Variants in RIMBP2 observed in about 807,000 individuals in gnomAD.
The protein encoded by RIMBP2 is RIMS-binding protein 2.
Under a neutral mutation model 118.6 loss-of-function variants are expected in RIMBP2, and 48 were observed. That is an observed-to-expected ratio of 0.40 (90% CI 0.32 to 0.51). The LOEUF (loss-of-function observed/expected upper bound fraction) is 0.51, where lower values mean the gene tolerates loss of function less well. Among genes scored for constraint, RIMBP2 ranks in the 20% least tolerant of loss-of-function variants. The probability of loss-of-function intolerance (pLI) is 0.41; values close to 1 mark genes in which losing one functional copy is unlikely to be tolerated. For missense variants in RIMBP2, 1,551 were observed against 1,768.3 expected, an observed-to-expected ratio of 0.88 and a Z score of 2.20; for synonymous variants, 762 against 742.9, an observed-to-expected ratio of 1.03 and a Z score of -0.42.
chr12:130,513,458 T>C (rs1566175574), intron 3 of RIMBP2, among the ~76,000 whole-genome samples: 2 of 152,200 alleles, frequency 1.3e-5, no homozygotes, highest in Non-Finnish European at 2.9e-5. Flanking sequence ...AGCTACTCAA[T>C]GTGACGAAAA....
In RIMBP2 at chr12:130,710,741, C is replaced by A. The variant is rs1439557737; in HGVS notation, c.-352+5481G>T. On this transcript the variant is annotated intron_variant, in intron 1 of 22. Coordinates refer to ENST00000690449, the MANE Select transcript of RIMBP2 (RefSeq NM_001393629.1). The surrounding 1 kb of genome is among the most constrained non-coding windows in gnomAD (Gnocchi z 4.3). ...CATCTCCCACACTGGGTCTCTCCAG[C>A]AAGTGCTTATCCAGCACCTACTAAT... 6.6e-6 allele frequency among the ~76,000 whole-genome samples: 1 copy of A among 152,190 alleles called. No homozygotes were observed. The highest frequency in any genetic ancestry group is 2.4e-5 in the African/African-American group (1 of 41,448).
At chr12:130,600,103 C>T (rs1351575090) in intron 2 of RIMBP2, among the ~76,000 whole-genome samples, 1 of 152,226 alleles carries the variant, frequency 6.6e-6, no homozygotes, top group Admixed American at 6.5e-5. Flanking sequence ...GTACATCTTA[C>T]ACATATTGAT....
At chr12:130,517,242 G>A (rs967723303) in intron 3 of RIMBP2, among the ~76,000 whole-genome samples, 6 of 152,126 alleles carry the variant, frequency 3.9e-5, no homozygotes, top group South Asian at 2.1e-4. Flanking sequence ...TGGTATGTGA[G>A]CACACTCAGT....
intron 4 of RIMBP2, among the ~76,000 whole-genome samples, chr12:130,503,184 G>A (rs942231934): frequency 9.9e-5 from 15 of 151,466 alleles, no homozygotes; most frequent in African/African-American, 3.6e-4. Context: ...TTAAAGTCAG[G>A]AGTTCAAAAC....
intron 2 of RIMBP2, among the ~76,000 whole-genome samples, chr12:130,591,144 T>G (rs1277374663): frequency 1.3e-5 from 2 of 152,188 alleles, no homozygotes; most frequent in Non-Finnish European, 2.9e-5. Flanking sequence ...AAACTGACTT[T>G]AAAAATTAGG....
Position 130,615,536 on chromosome 12 carries a change from C to A in RIMBP2, c.-217+12786G>T, listed in dbSNP as rs1029075710. ...TTGTTGGCCAGGCTGGTCTTGAACT[C>A]CTGGCCTCAAGTGATCTGCCCGCCT... On this transcript the variant is annotated intron_variant, in intron 2 of 22. Coordinates refer to ENST00000690449, the MANE Select transcript of RIMBP2 (RefSeq NM_001393629.1). Among the ~76,000 whole-genome samples, 6 of 152,004 alleles carry A rather than the reference C, an allele frequency of 3.9e-5. No homozygotes were observed. In the South Asian group the frequency reaches 1.2e-3, roughly 32 times the overall value.
intron 6 of RIMBP2, among the ~76,000 whole-genome samples, chr12:130,463,288 T>C (rs1349223614): frequency 2.0e-5 from 3 of 152,200 alleles, no homozygotes; most frequent in African/African-American, 4.8e-5. Context: ...CCCAGCCCCA[T>C]GGTGCTGCTC....
rs766901586 is a variant in RIMBP2 at position 130,442,617 on chromosome 12, G to A, written c.735C>T (p.Phe245=). ...DGQRGLVPSN[F]VDFVQDNESR... ...ACTCGTTGTCCTGCACAAAGTCCACGAAGTTGGAGGGCACCAGACCCCTCT... is the reference window on the plus strand; with the variant it reads ...ACTCGTTGTCCTGCACAAAGTCCACAAAGTTGGAGGGCACCAGACCCCTCT... The change falls in exon 11 of 23, where the codon TTC becomes TTT. Residue 245 remains phenylalanine, a synonymous_variant. Coordinates refer to ENST00000690449, the MANE Select transcript of RIMBP2 (RefSeq NM_001393629.1). This position sits in a 1 kb window ranked among gnomAD's most constrained non-coding sequence, Gnocchi z 6.9. The A allele has an allele frequency of 4.0e-5, 65 of 1,614,084 alleles. No homozygotes were observed. In the East Asian group the frequency reaches 1.1e-3, roughly 27 times the overall value.
chr12:130,512,602 C>T (rs1394159929), intron 3 of RIMBP2, among the ~76,000 whole-genome samples: 3 of 152,160 alleles, frequency 2.0e-5, no homozygotes, highest in Admixed American at 1.3e-4. Flanking sequence ...GGATTACAGG[C>T]GTGAGCCACC....
intron 1 of RIMBP2, among the ~76,000 whole-genome samples, chr12:130,664,650 G>C (rs770211103): frequency 1.1e-4 from 17 of 151,666 alleles, no homozygotes; most frequent in Non-Finnish European, 2.5e-4. Context: ...CTATGTCAGA[G>C]AAAGTATAGG....
At chr12:130,401,091 A>T (rs936557558) in intron 21 of RIMBP2, among the ~76,000 whole-genome samples, 1 of 152,050 alleles carries the variant, frequency 6.6e-6, no homozygotes, top group African/African-American at 2.4e-5. Flanking sequence ...ACACTACTGA[A>T]CTATATACTT....
At chr12:130,591,532 G>A (rs1306785546) in intron 2 of RIMBP2, among the ~76,000 whole-genome samples, 1 of 152,194 alleles carries the variant, frequency 6.6e-6, no homozygotes, top group Non-Finnish European at 1.5e-5. Context: ...CCAGAAGTCT[G>A]GAATCGAGGT....
rs753649732 is a variant in RIMBP2 at position 130,456,677 on chromosome 12, C to A, written c.177G>T (p.Glu59Asp). The change falls in exon 7 of 23, where the codon GAG becomes GAT. Residue 59 changes from glutamate to aspartate, a missense_variant. This residue lies in a region of RIMBP2 where 239 missense variants were observed against 256.8 expected (regional missense o/e 0.93). Coordinates refer to ENST00000690449, the MANE Select transcript of RIMBP2 (RefSeq NM_001393629.1). Reference sequence around the variant, plus strand: ...ACTGCTCACTTTGAGTCCGGCATTTCTCTTCCAGCTCTCGAACCTTGGACT... The same window carrying A: ...ACTGCTCACTTTGAGTCCGGCATTTATCTTCCAGCTCTCGAACCTTGGACT... ...LLESKVRELEEKCRTQSEQFN... is the reference protein window; with the variant it reads ...LLESKVRELEDKCRTQSEQFN... The A allele has an allele frequency of 1.2e-6, 2 of 1,608,530 alleles. No individual in the cohort carries two copies. The highest frequency in any genetic ancestry group is 8.5e-7 in the Non-Finnish European group (1 of 1,176,022).
In RIMBP2 at chr12:130,499,375, G is replaced by A. The variant is rs563632160; in HGVS notation, c.-4+7273C>T. ...CCCTGCATCTCCTCTTGCGTACTACGTCTCTACAGAGTTGCAGATATAATT... is the reference window on the plus strand; with the variant it reads ...CCCTGCATCTCCTCTTGCGTACTACATCTCTACAGAGTTGCAGATATAATT... On this transcript the variant is annotated intron_variant, in intron 4 of 22. Transcript: ENST00000690449. 3.1e-4 allele frequency among the ~76,000 whole-genome samples: 47 copies of A among 152,230 alleles called. 1 individual carries two copies. Among genetic ancestry groups the A allele is most frequent in the South Asian group, 2.1e-3 (10 of 4,814 alleles).
Position 130,586,559 on chromosome 12 carries a change from G to C in RIMBP2, c.-217+41763C>G, listed in dbSNP as rs188657120. ...ACCATCTGATCTTTGACAAACCTGA[G>C]AAAAACAAGCAATGGGGAAAGGATT... On this transcript the variant is annotated intron_variant, in intron 2 of 22. Transcript: ENST00000690449. Among the ~76,000 whole-genome samples, 1,281 of 151,744 alleles carry C rather than the reference G, an allele frequency of 8.4e-3. 18 individuals carry two copies. Among genetic ancestry groups the C allele is most frequent in the African/African-American group, 0.029 (1,198 of 41,360 alleles).
intron 1 of RIMBP2, among the ~76,000 whole-genome samples, chr12:130,697,347 C>T (rs1194521933): frequency 6.6e-6 from 1 of 152,158 alleles, no homozygotes; most frequent in Non-Finnish European, 1.5e-5. Context: ...CATAGCAAGA[C>T]CCCTCTCTAC....
chr12:130,439,491 GTGTGTGCGTGTC>G (rs1198778951), intron 11 of RIMBP2, among the ~76,000 whole-genome samples: 1 of 149,010 alleles, frequency 6.7e-6, no homozygotes, highest in Non-Finnish European at 1.5e-5. Context: ...GTGTGTATGT[GTGTGTGCGTGTC>G]TGTGGGTGGG....
intron 3 of RIMBP2, among the ~76,000 whole-genome samples, chr12:130,508,616 C>A (rs2050596588): frequency 6.6e-6 from 1 of 152,012 alleles, no homozygotes; most frequent in Admixed American, 6.6e-5. Flanking sequence ...TGCCTCCATG[C>A]CCCTCCCTCC....
At chr12:130,438,335 A>ACCCCCCCCCCCC (rs146625626) in intron 12 of RIMBP2, 30 bp downstream of exon 12, 82 of 865,774 alleles carry the variant, frequency 9.5e-5, no homozygotes, top group Middle Eastern at 2.3e-4. Context: ...GGCCTAACAA[A>ACCCCCCCCCCCC]CCCTCCCCAC....
Sources: allele counts gnomAD v4.1 joint callset (sites outside exome capture counted in the v4.1 genomes callset), GRCh38; gene constraint gnomAD v4.1.1; regional missense constraint gnomAD v4.1.1; non-coding constraint Gnocchi (gnomAD v3.1); transcripts MANE v1.5; gene names NCBI Gene and HGNC (gene_info 2026-07-23, HGNC 2026-07-21).